SCAF1: variants seen among roughly 807,000 people sequenced by gnomAD.
SCAF1 encodes splicing factor, arginine/serine-rich 19.
A neutral mutation model predicts 91.2 loss-of-function variants in SCAF1; 28 were observed. The ratio of observed to expected loss-of-function variants is 0.31; its 90% CI spans 0.23 to 0.42. The LOEUF is 0.42. SCAF1 is among the 10% of genes least tolerant of loss of function. The pLI is 1.00. For missense variants in SCAF1, 1,893 were observed against 1,872.1 expected (o/e 1.01, Z -0.21); for synonymous variants, 1,036 against 833.7 (o/e 1.24, Z -4.18).
intron 9 of SCAF1, 121 bp downstream of exon 9, chr19:49,654,991 G>A (rs2081130547): frequency 3.9e-6 from 3 of 769,090 alleles, no homozygotes; most frequent in East Asian, 2.7e-5. Context: ...GGGCCGTAGA[G>A]ACCAAAGTCA....
rs764284987 is a variant in SCAF1 at position 49,652,679 on chromosome 19, C to A, written c.2290C>A (p.Arg764=). The A allele has an allele frequency of 2.6e-6, 4 of 1,567,282 alleles. No homozygotes were observed. The highest frequency in any genetic ancestry group is 2.7e-5 in the African/African-American group (2 of 73,766). The change falls in exon 7 of 11, where the codon CGG becomes AGG. Residue 764 remains arginine, a synonymous_variant. Transcript: ENST00000360565. ...GGCCGCCTCCTCCTCCTCCTCTTCCCGGGAGAAGGGGTCTCGTCGGAAGGC... is the reference window on the plus strand; with the variant it reads ...GGCCGCCTCCTCCTCCTCCTCTTCCAGGGAGAAGGGGTCTCGTCGGAAGGC... ...SGAASSSSSS[R]EKGSRRKALD... is the part of the protein sequence containing the mutation.
intron 1 of SCAF1, chr19:49,644,714 T>TG (rs1186389824): frequency 4.1e-6 from 1 of 246,384 alleles, no homozygotes; most frequent in Non-Finnish European, 7.8e-6. Flanking sequence ...GATAGGTTGT[T>TG]GGGGAAGCTG....
Position 49,643,733 on chromosome 19 carries a change from C to G in SCAF1, c.-6-1288C>G, listed in dbSNP as rs144323885. ...GTAGCATGTGCTTCCCCGGGAGGTGCTGGAGAGCAGTTCCAGGGCCAGGAA... is the reference window on the plus strand; with the variant it reads ...GTAGCATGTGCTTCCCCGGGAGGTGGTGGAGAGCAGTTCCAGGGCCAGGAA... On this transcript the variant is annotated intron_variant, in intron 1 of 10. Coordinates refer to ENST00000360565, the MANE Select transcript of SCAF1 (RefSeq NM_021228.3). 4.2e-3 allele frequency among the ~76,000 whole-genome samples: 636 copies of G among 152,290 alleles called. 8 individuals carry two copies. Among genetic ancestry groups the G allele is most frequent in the African/African-American group, 0.015 (614 of 41,542 alleles).
chr19:49,650,754 G>A, intron 6 of SCAF1, 114 bp from the exon 7 acceptor site: 1 of 745,252 alleles, frequency 1.3e-6, no homozygotes, highest in African/African-American at 1.8e-5. Context: ...GAAGCACTTG[G>A]GGCTTCCTGG....
rs138080693 is a variant in SCAF1 at position 49,650,907 on chromosome 19, G to A, written c.518G>A (p.Arg173His). 1.4e-5 allele frequency: 22 copies of A among 1,610,160 alleles called. No homozygotes were observed. Among genetic ancestry groups the A allele is most frequent in the Middle Eastern group, 1.6e-4 (1 of 6,066 alleles). The change falls in exon 7 of 11, where the codon CGT (arginine) becomes CAT (histidine). Residue 173 changes from arginine to histidine, a missense_variant. This residue lies in a region of SCAF1 where 270 missense variants were observed against 292.5 expected (regional missense o/e 0.92). Coordinates refer to ENST00000360565, the MANE Select transcript of SCAF1 (RefSeq NM_021228.3). ...QSNSSRPTCA[R>H]HLTLGTGDGG... is the part of the protein sequence containing the mutation. The stretch of plus-strand genomic sequence containing the variant: ...AACTCCTCTAGGCCCACCTGTGCCC[G>A]TCACCTCACCTTGGGCACGGGAGAC...
At chr19:49,649,044 C>G (rs566791946) in intron 6 of SCAF1, among the ~76,000 whole-genome samples, 7 of 151,222 alleles carry the variant, frequency 4.6e-5, no homozygotes, top group African/African-American at 1.7e-4. Flanking sequence ...TCCTCTAAAA[C>G]TTGATTTAGG....
In SCAF1 at chr19:49,654,680, G is replaced by A; in HGVS notation, c.3428G>A (p.Ser1143Asn). ...QILSHRKPPS[S>N]LGMTPAPVPT... ...CTCAGCCACAGAAAGCCACCCTCAA[G>A]TCTGGGGATGACCCCAGCTCCTGTG... Residue 1143 changes from serine to asparagine, a missense_variant, in exon 9 of 11, where the codon AGT becomes AAT. By Grantham distance (46) the Ser-to-Asn change is conservative. Transcript: ENST00000360565. 6.2e-7 allele frequency: 1 copy of A among 1,613,636 alleles called. No individual in the cohort carries two copies. Among genetic ancestry groups the A allele is most frequent in the South Asian group, 1.1e-5 (1 of 91,014 alleles).
intron 6 of SCAF1, among the ~76,000 whole-genome samples, chr19:49,649,335 T>C (rs2081072690): frequency 6.6e-6 from 1 of 152,200 alleles, no homozygotes; most frequent in Non-Finnish European, 1.5e-5. Flanking sequence ...AAGCTGAGGC[T>C]CAGACTGTCC....
chr19:49,654,456 C>T, intron 8 of SCAF1, 25 bp downstream of exon 8: 2 of 1,602,216 alleles, frequency 1.2e-6, no homozygotes, highest in Non-Finnish European at 1.7e-6. Context: ...GGGAGAGTCC[C>T]TGCCGCCCCT....
Position 49,646,573 on chromosome 19 carries a change from C to T in SCAF1, c.309C>T (p.Val103=). ...GCTTCCTCGCAGGGCTGGTGAGTGT[C>T]CTGGATCCCCCGGATACCTGGGTTC... ...TDSFLAGLVS[V]LDPPDTWVPS... The change falls in exon 5 of 11, where the codon GTC becomes GTT. Residue 103 remains valine, a synonymous_variant. Coordinates refer to ENST00000360565, the MANE Select transcript of SCAF1 (RefSeq NM_021228.3). This position sits in a 1 kb window ranked among gnomAD's most constrained non-coding sequence, Gnocchi z 5.6. 2 of 1,614,108 alleles carry T rather than the reference C, an allele frequency of 1.2e-6. No homozygotes were observed. The highest frequency in any genetic ancestry group is 1.7e-6 in the Non-Finnish European group (2 of 1,180,016).
At position 49,642,621 on chromosome 19, in the gene SCAF1, A is replaced by G. The variant is rs1429990275; in HGVS notation, c.-7+379A>G. The G allele has an allele frequency of 6.6e-6, 1 of 152,284 alleles. No homozygotes were observed. Among genetic ancestry groups the G allele is most frequent in the Non-Finnish European group, 1.5e-5 (1 of 68,134 alleles). 9.4% of individuals were successfully genotyped at this position (152,284 alleles called of 1,614,324 possible). A position where few individuals can be genotyped will look rare whatever the true frequency, so the allele number is the denominator to read the frequency against. On this transcript the variant is annotated intron_variant, in intron 1 of 10. Coordinates refer to ENST00000360565, the MANE Select transcript of SCAF1 (RefSeq NM_021228.3). This position sits in a 1 kb window ranked among gnomAD's most constrained non-coding sequence, Gnocchi z 4.0. The stretch of plus-strand genomic sequence containing the variant: ...GGTCTGGTTAGAGGGTTCTGGGGCC[A>G]TCTTGAGATCTTGAGATATGTCCCA...
In SCAF1 at chr19:49,646,458, T is replaced by A; in HGVS notation, c.262-68T>A. 7.2e-7 allele frequency: 1 copy of A among 1,380,144 alleles called. No homozygotes were observed. 85.5% of individuals were successfully genotyped at this position (1,380,144 alleles called of 1,614,324 possible). A position where few individuals can be genotyped will look rare whatever the true frequency, so the allele number is the denominator to read the frequency against. On this transcript the variant is annotated intron_variant, in intron 4 of 10. Coordinates refer to ENST00000360565, the MANE Select transcript of SCAF1 (RefSeq NM_021228.3). This position sits in a 1 kb window ranked among gnomAD's most constrained non-coding sequence, Gnocchi z 5.6. Reference sequence around the variant, plus strand: ...TCTGGGTTCCTGAGAGGTTAGGGAGTGGGGAAGCAGGATTTGCCAGTCTTC... The same window carrying A: ...TCTGGGTTCCTGAGAGGTTAGGGAGAGGGGAAGCAGGATTTGCCAGTCTTC...
rs752467474 is a variant in SCAF1 at position 49,652,055 on chromosome 19, C to T, written c.1666C>T (p.Arg556Cys). 1.1e-4 allele frequency: 139 copies of T among 1,232,064 alleles called. 1 individual carries two copies. In the South Asian group the frequency reaches 2.0e-3, roughly 18 times the overall value. The allele number at this position is 1,232,064 out of a possible 1,614,324, so 76.3% of individuals were successfully genotyped here. Residue 556 changes from arginine (R) to cysteine (C), a missense_variant, in exon 7 of 11, where the codon CGC becomes TGC. Transcript: ENST00000360565. Reference sequence around the variant, plus strand: ...CTCGCCCTGGGACTCCAAGAAGCACCGCTCGCGGGACCGCAAGCCCGGCTC... The same window carrying T: ...CTCGCCCTGGGACTCCAAGAAGCACTGCTCGCGGGACCGCAAGCCCGGCTC... ...PASPWDSKKH[R>C]SRDRKPGSHA...
chr19:49,652,072 G>A lies in SCAF1; in HGVS notation c.1683G>A (p.Lys561=). The A allele has an allele frequency of 1.7e-6, 2 of 1,206,736 alleles. No individual in the cohort carries two copies. Among genetic ancestry groups the A allele is most frequent in the Non-Finnish European group, 2.1e-6 (2 of 958,466 alleles). The allele number at this position is 1,206,736 out of a possible 1,614,324, so 74.8% of individuals were successfully genotyped here. Reference sequence around the variant, plus strand: ...AGAAGCACCGCTCGCGGGACCGCAAGCCCGGCTCCCACGCCTCGTCGTCCG... The same window carrying A: ...AGAAGCACCGCTCGCGGGACCGCAAACCCGGCTCCCACGCCTCGTCGTCCG... The part of the protein sequence containing the change: ...DSKKHRSRDR[K]PGSHASSSAR... The change falls in exon 7 of 11, where the codon AAG becomes AAA. Residue 561 remains lysine, a synonymous_variant. Coordinates refer to ENST00000360565, the MANE Select transcript of SCAF1 (RefSeq NM_021228.3).
rs776678731 is a variant in SCAF1, at chr19:49,645,419, G to T, written c.166+8G>T. The T allele has an allele frequency of 1.2e-6, 2 of 1,612,520 alleles. No individual in the cohort carries two copies. The highest frequency in any genetic ancestry group is 1.7e-6 in the Non-Finnish European group (2 of 1,179,374). Reference sequence around the variant, plus strand: ...ACCTGCCCAATGATAAAGGTATGGCGGCTTCCGGTTCCTTTTAGCCCCTGC... The same window carrying T: ...ACCTGCCCAATGATAAAGGTATGGCTGCTTCCGGTTCCTTTTAGCCCCTGC... On this transcript the variant is annotated splice_region_variant and intron_variant, in intron 3 of 10. Coordinates refer to ENST00000360565, the MANE Select transcript of SCAF1 (RefSeq NM_021228.3). This position sits in a 1 kb window ranked among gnomAD's most constrained non-coding sequence, Gnocchi z 4.6.
intron 9 of SCAF1, among the ~76,000 whole-genome samples, chr19:49,655,297 C>T (rs188953811): frequency 1.9e-4 from 29 of 152,296 alleles, no homozygotes; most frequent in African/African-American, 6.7e-4. Context: ...TCTTACTCAG[C>T]TGCTCTGGCC....
chr19:49,641,222 C>G (rs2081024447), upstream of SCAF1, among the ~76,000 whole-genome samples: 1 of 152,192 alleles, frequency 6.6e-6, no homozygotes. Context: ...AAATAGGAGT[C>G]TGGACACTGC....
At chr19:49,657,305 C>T (rs908878304) in intron 9 of SCAF1, among the ~76,000 whole-genome samples, 11 of 152,026 alleles carry the variant, frequency 7.2e-5, no homozygotes, top group African/African-American at 2.2e-4. Flanking sequence ...CCTAGCCACC[C>T]CCTCCATCCC....
chr19:49,647,024 G>A (rs1485022544), intron 6 of SCAF1, among the ~76,000 whole-genome samples, 194 bp downstream of exon 6: 1 of 152,256 alleles, frequency 6.6e-6, no homozygotes, highest in African/African-American at 2.4e-5. Flanking sequence ...GGGCTATGTG[G>A]GAGTGGTCAG....
Sources: allele counts gnomAD v4.1 joint callset (sites outside exome capture counted in the v4.1 genomes callset), GRCh38; gene constraint gnomAD v4.1.1; regional missense constraint gnomAD v4.1.1; non-coding constraint Gnocchi (gnomAD v3.1); transcripts MANE v1.5; gene names NCBI Gene and HGNC (gene_info 2026-07-23, HGNC 2026-07-21).